The following NELL1 variants were observed in gnomAD, a reference collection of about 807,000 sequenced individuals.
The protein encoded by NELL1 is protein kinase C-binding protein NELL1.
Under a neutral mutation model 107.4 loss-of-function variants are expected in NELL1, and 76 were observed. That is an observed-to-expected ratio of 0.71 (90% CI 0.59 to 0.86). The LOEUF is 0.86. Among genes scored for constraint, NELL1 ranks in the 40% least tolerant of loss-of-function variants. The pLI, the probability that NELL1 is intolerant of heterozygous loss-of-function variation, is 0.00. For missense variants in NELL1, 1,024 were observed against 1,005.5 expected, an observed-to-expected ratio of 1.02 and a Z score of -0.25; for synonymous variants, 353 against 341.2, an observed-to-expected ratio of 1.03 and a Z score of -0.38.
intron 12 of NELL1, among the ~76,000 whole-genome samples, chr11:21,070,917 A>G (rs905256248): frequency 7.9e-5 from 12 of 152,152 alleles, no homozygotes; most frequent in Non-Finnish European, 7.3e-5. Flanking sequence ...CCTTATTCTG[A>G]CAACAGGGAG....
intron 2 of NELL1, among the ~76,000 whole-genome samples, chr11:20,680,681 C>A (rs1290104056): frequency 1.3e-5 from 2 of 152,112 alleles, no homozygotes; most frequent in African/African-American, 4.8e-5. Flanking sequence ...TAGAAATAAT[C>A]CTCTTTGGTT....
chr11:21,004,401 G>T (rs1328374422), intron 12 of NELL1, among the ~76,000 whole-genome samples: 3 of 151,830 alleles, frequency 2.0e-5, no homozygotes, highest in Non-Finnish European at 4.4e-5. Context: ...TGTCTTGCTC[G>T]ATTATGATTC....
chr11:21,418,547 A>G (rs927682509), intron 15 of NELL1, among the ~76,000 whole-genome samples: 1 of 152,152 alleles, frequency 6.6e-6, no homozygotes, highest in Admixed American at 6.6e-5. Flanking sequence ...TACTGAGCAC[A>G]TATTAGCACA....
intron 3 of NELL1, among the ~76,000 whole-genome samples, chr11:20,808,336 A>G (rs1346184435): frequency 6.6e-6 from 1 of 152,204 alleles, no homozygotes; most frequent in Non-Finnish European, 1.5e-5. Flanking sequence ...TGGGGGCCTC[A>G]GGACTCTGCC....
At chr11:21,274,980 A>G (rs968549760) in intron 14 of NELL1, among the ~76,000 whole-genome samples, 2 of 152,180 alleles carry the variant, frequency 1.3e-5, no homozygotes, top group Non-Finnish European at 2.9e-5. Context: ...TAACATCACA[A>G]TTAAAAGAAC....
At chr11:21,350,877 TA>T (rs1848452716) in intron 14 of NELL1, among the ~76,000 whole-genome samples, 1 of 152,080 alleles carries the variant, frequency 6.6e-6, no homozygotes, top group Non-Finnish European at 1.5e-5. Flanking sequence ...ATAGTGGACC[TA>T]AAAAAATATG....
At chr11:21,132,963 A>G (rs1468710282) in intron 13 of NELL1, among the ~76,000 whole-genome samples, 1 of 152,196 alleles carries the variant, frequency 6.6e-6, no homozygotes, top group Middle Eastern at 3.2e-3. Context: ...AACAGCTCTC[A>G]GGAGACCCGA....
intron 11 of NELL1, among the ~76,000 whole-genome samples, chr11:20,954,229 C>A (rs1465777550): frequency 6.6e-6 from 1 of 152,212 alleles, no homozygotes; most frequent in Non-Finnish European, 1.5e-5. Flanking sequence ...AAGTGCCTAG[C>A]ACATAGTATG....
chr11:20,901,265 A>T (rs1385103369), intron 5 of NELL1, among the ~76,000 whole-genome samples: 2 of 152,248 alleles, frequency 1.3e-5, no homozygotes, highest in Admixed American at 1.3e-4. Context: ...CAAAGATAAG[A>T]TCAATTGCAT....
At chr11:20,995,781 AG>A (rs891573286) in intron 12 of NELL1, among the ~76,000 whole-genome samples, 2 of 152,186 alleles carry the variant, frequency 1.3e-5, no homozygotes, top group African/African-American at 4.8e-5. Context: ...ATATCAAAAA[AG>A]AGTAAGACAT....
At chr11:20,738,169 C>G (rs1855805870) in intron 2 of NELL1, among the ~76,000 whole-genome samples, 1 of 152,062 alleles carries the variant, frequency 6.6e-6, no homozygotes, top group Non-Finnish European at 1.5e-5. Flanking sequence ...GTGTGCACAG[C>G]TGTGCACGTG....
chr11:20,842,500 G>A (rs908123761), intron 3 of NELL1, among the ~76,000 whole-genome samples: 1 of 152,162 alleles, frequency 6.6e-6, no homozygotes, highest in African/African-American at 2.4e-5. Flanking sequence ...TACCTAGACT[G>A]AGGGCATCAT....
chr11:21,118,283 A>G (rs929024251), intron 13 of NELL1, among the ~76,000 whole-genome samples: 2 of 151,970 alleles, frequency 1.3e-5, no homozygotes, highest in African/African-American at 4.8e-5. Context: ...TATGTTAGGG[A>G]TTTACAATGG....
At chr11:21,224,593 A>G (rs1598070) in intron 13 of NELL1, among the ~76,000 whole-genome samples, 41,748 of 151,972 alleles carry the variant, frequency 0.27, 5,903 homozygotes, top group Non-Finnish European at 0.31. Context: ...CAAAATTCAC[A>G]TATTTGTTTA....
chr11:20,676,326 TATTC>T (rs1854055678), intron 1 of NELL1, among the ~76,000 whole-genome samples: 1 of 152,022 alleles, frequency 6.6e-6, no homozygotes, highest in African/African-American at 2.4e-5. Flanking sequence ...CAGATTATCT[TATTC>T]ATTTGTTTAT....
intron 12 of NELL1, among the ~76,000 whole-genome samples, chr11:20,989,316 G>A (rs1851921184): frequency 6.6e-6 from 1 of 152,002 alleles, no homozygotes; most frequent in South Asian, 2.1e-4. Context: ...CCATTCTTGG[G>A]TATTAGCATG....
Position 21,229,454 on chromosome 11 carries a change from G to T in NELL1, c.1549G>T (p.Ala517Ser). ...GYVGNGTICR[A>S]FCEEGCRYGG... ...CGTGGGGAACGGGACCATCTGCAGA[G>T]GTAGGCTTGCCGCCTTAGTGTTGAG... The change falls in exon 14 of 20, where the codon GCT becomes TCT. Residue 517 changes from alanine (A) to serine (S), a missense_variant and splice_region_variant. Coordinates refer to ENST00000357134, the MANE Select transcript of NELL1 (RefSeq NM_006157.5). 2 of 1,613,722 alleles carry T rather than the reference G, an allele frequency of 1.2e-6. No homozygotes were observed. Among genetic ancestry groups the T allele is most frequent in the Non-Finnish European group, 1.7e-6 (2 of 1,179,796 alleles).
chr11:21,171,809 G>C (rs1013771339), intron 13 of NELL1, among the ~76,000 whole-genome samples: 3 of 151,766 alleles, frequency 2.0e-5, no homozygotes, highest in African/African-American at 2.4e-5. Context: ...GGTTTCTAAT[G>C]CTTCTCCCTT....
chr11:21,177,445 A>T (rs1856736576), intron 13 of NELL1, among the ~76,000 whole-genome samples: 1 of 151,562 alleles, frequency 6.6e-6, no homozygotes, highest in Non-Finnish European at 1.5e-5. Flanking sequence ...AACATTTCTT[A>T]CTTGTTTAAG....
Sources: allele counts gnomAD v4.1 joint callset (sites outside exome capture counted in the v4.1 genomes callset), GRCh38; gene constraint gnomAD v4.1.1; transcripts MANE v1.5; gene names NCBI Gene and HGNC (gene_info 2026-07-23, HGNC 2026-07-21).